PHLPP2: variants seen among roughly 807,000 people sequenced by gnomAD.
PHLPP2 encodes the protein PH domain leucine-rich repeat-containing protein phosphatase 2.
In PHLPP2, 66 loss-of-function variants were observed where a neutral mutation model predicts 124.9. The ratio of observed to expected loss-of-function variants is 0.53; its 90% CI spans 0.43 to 0.65. The LOEUF (loss-of-function observed/expected upper bound fraction) is 0.65. Among genes scored for constraint, PHLPP2 ranks in the 30% least tolerant of loss-of-function variants. PHLPP2 has a pLI of 0.00. For synonymous variants in PHLPP2, 681 were observed against 624.7 expected, an observed-to-expected ratio of 1.09 and a Z score of -1.34; for missense variants, 1,685 against 1,600.4, an observed-to-expected ratio of 1.05 and a Z score of -0.90.
At chr16:71,663,166 C>T (rs958288324) in intron 13 of PHLPP2, among the ~76,000 whole-genome samples, 7 of 152,200 alleles carry the variant, frequency 4.6e-5, no homozygotes, top group South Asian at 2.1e-4. Flanking sequence ...GGCTGGAGTG[C>T]AGTGGTGCAA....
At chr16:71,655,513 T>C (rs865837241) in intron 16 of PHLPP2, 79 bp from the exon 17 acceptor site, 51 of 1,187,356 alleles carry the variant, frequency 4.3e-5, no homozygotes, top group Middle Eastern at 4.1e-4. Flanking sequence ...CTTTTTTTTT[T>C]TTTTTTTGAG....
intron 2 of PHLPP2, among the ~76,000 whole-genome samples, chr16:71,713,945 CT>C (rs35131351): frequency 3.6e-4 from 50 of 140,308 alleles, no homozygotes; most frequent in Non-Finnish European, 5.1e-4. Flanking sequence ...AACAACTTTT[CT>C]TTTTTTTTTT....
chr16:71,664,171 T>C (rs2044818451), intron 12 of PHLPP2, 72 bp from the exon 13 acceptor site: 1 of 1,013,728 alleles, frequency 9.9e-7, no homozygotes, highest in Non-Finnish European at 1.6e-6. Context: ...AACCATCATG[T>C]CACCTCAGTA....
Position 71,684,530 on chromosome 16 carries a change from A to G in PHLPP2, c.681T>C (p.His227=). The part of the protein sequence containing the change: ...SSAGAQAQTY[H]VSFETLAEYQ... ...ACTCGGCCAAAGTCTCGAAGCTGAC[A>G]TGATAGGTCTGAGCTTGGGCTCCTG... Residue 227 remains histidine, a synonymous_variant, in exon 5 of 19, where the codon CAT becomes CAC. Coordinates refer to ENST00000568954, the MANE Select transcript of PHLPP2 (RefSeq NM_015020.3). The G allele has an allele frequency of 1.9e-6, 3 of 1,613,958 alleles. No homozygotes were observed. The highest frequency in any genetic ancestry group is 1.3e-5 in the African/African-American group (1 of 74,984).
chr16:71,700,797 T>C (rs1446606922), intron 3 of PHLPP2, among the ~76,000 whole-genome samples: 7 of 152,138 alleles, frequency 4.6e-5, no homozygotes, highest in Non-Finnish European at 8.8e-5. Flanking sequence ...AGTGCTGGGA[T>C]TACAGGCGTG....
intron 3 of PHLPP2, among the ~76,000 whole-genome samples, chr16:71,692,732 C>T (rs1169292591): frequency 6.6e-6 from 1 of 152,008 alleles, no homozygotes; most frequent in Non-Finnish European, 1.5e-5. Context: ...CGCACAACTT[C>T]CTGTATAATT....
chr16:71,713,526 A>AC (rs1186585382), intron 2 of PHLPP2, among the ~76,000 whole-genome samples: 7 of 152,224 alleles, frequency 4.6e-5, no homozygotes, highest in Non-Finnish European at 1.0e-4. Context: ...ATGGATACTC[A>AC]CTGCAGCACT....
intron 18 of PHLPP2, among the ~76,000 whole-genome samples, 194 bp from the exon 19 acceptor site, chr16:71,650,238 C>T (rs1008921908): frequency 6.6e-6 from 1 of 152,226 alleles, no homozygotes; most frequent in African/African-American, 2.4e-5. Flanking sequence ...TATATGGTTA[C>T]TATAGAGCCA....
intron 4 of PHLPP2, among the ~76,000 whole-genome samples, chr16:71,690,110 C>T (rs1169308641): frequency 6.6e-6 from 1 of 152,162 alleles, no homozygotes; most frequent in Non-Finnish European, 1.5e-5. Flanking sequence ...AATGGCATGG[C>T]TCCCTGGCTG....
At chr16:71,674,963 C>G (rs940268041) in intron 9 of PHLPP2, among the ~76,000 whole-genome samples, 1 of 152,230 alleles carries the variant, frequency 6.6e-6, no homozygotes, top group Non-Finnish European at 1.5e-5. Flanking sequence ...GGCAACTGCA[C>G]TCCAGCCTGG....
At chr16:71,678,631 C>A (rs2044969081) in intron 8 of PHLPP2, 124 bp downstream of exon 8, 2 of 641,698 alleles carry the variant, frequency 3.1e-6, no homozygotes, top group Middle Eastern at 3.1e-4. Flanking sequence ...CAAAGTGAGA[C>A]CTTGTCTCAA....
intron 13 of PHLPP2, among the ~76,000 whole-genome samples, chr16:71,659,389 T>G (rs1159984878): frequency 6.6e-6 from 1 of 151,884 alleles, no homozygotes; most frequent in East Asian, 1.9e-4. Flanking sequence ...GTAGCTGGGA[T>G]TACAGGCATG....
chr16:71,706,849 G>C (rs1274001318), intron 2 of PHLPP2, among the ~76,000 whole-genome samples: 1 of 149,638 alleles, frequency 6.7e-6, no homozygotes, highest in South Asian at 2.1e-4. Flanking sequence ...ACCACTTTAT[G>C]TGTTAACTTA....
At chr16:71,670,254 T>C (rs2044879327) in intron 10 of PHLPP2, among the ~76,000 whole-genome samples, 1 of 152,152 alleles carries the variant, frequency 6.6e-6, no homozygotes, top group Non-Finnish European at 1.5e-5. Context: ...GATCTGAGTG[T>C]AGCTGAAATA....
At chr16:71,666,946 A>G (rs1487900140) in intron 12 of PHLPP2, among the ~76,000 whole-genome samples, 1 of 152,240 alleles carries the variant, frequency 6.6e-6, no homozygotes. Context: ...GAAATTGTTT[A>G]CAACACAGAA....
intron 3 of PHLPP2, among the ~76,000 whole-genome samples, 184 bp downstream of exon 3, chr16:71,702,414 T>C (rs2045240934): frequency 6.6e-6 from 1 of 152,216 alleles, no homozygotes; most frequent in Admixed American, 6.5e-5. Context: ...GAAGATATTT[T>C]TAAAGTGTTC....
At chr16:71,700,214 G>T (rs774287324) in intron 3 of PHLPP2, among the ~76,000 whole-genome samples, 20 of 152,102 alleles carry the variant, frequency 1.3e-4, no homozygotes, top group Non-Finnish European at 2.6e-4. Flanking sequence ...CTCGAGCCAT[G>T]AGCAACATGG....
chr16:71,669,585 T>C (rs1015489048), intron 10 of PHLPP2, among the ~76,000 whole-genome samples: 3 of 152,198 alleles, frequency 2.0e-5, no homozygotes, highest in Non-Finnish European at 2.9e-5. Flanking sequence ...TGAAAATGTA[T>C]AATACTGGAT....
At chr16:71,688,573 G>A (rs2045075573) in intron 4 of PHLPP2, among the ~76,000 whole-genome samples, 1 of 143,454 alleles carries the variant, frequency 7.0e-6, no homozygotes, top group Non-Finnish European at 1.5e-5. Flanking sequence ...GGTTGAGTTT[G>A]TGGAAATCCT....
Sources: gnomAD v4.1 joint callset for allele counts (sites outside exome capture counted in the v4.1 genomes callset) on GRCh38, gnomAD v4.1.1 for gene constraint, MANE v1.5 for transcripts, NCBI Gene and HGNC (gene_info 2026-07-23, HGNC 2026-07-21) for gene names.